EYS: variants seen among roughly 807,000 people sequenced by gnomAD.
EYS encodes EGF-like photoreceptor maintenance factor, also known as protein eyes shut homolog.
EYS carries 250 observed loss-of-function variants against 282.1 expected under a neutral mutation model. That is an observed-to-expected ratio of 0.89 (90% confidence interval 0.80 to 0.98). The LOEUF is 0.98. Ranked by LOEUF, EYS falls within the 50% of genes least tolerant of loss-of-function variation. The pLI is 0.00. For missense variants in EYS, 4,016 were observed against 3,709.0 expected, an observed-to-expected ratio of 1.08 and a Z score of -2.15; for synonymous variants, 1,355 against 1,282.9, an observed-to-expected ratio of 1.06 and a Z score of -1.20.
At chr6:64,127,957 A>G (rs958480567) in intron 31 of EYS, among the ~76,000 whole-genome samples, 4 of 152,140 alleles carry the variant, frequency 2.6e-5, no homozygotes, top group African/African-American at 9.6e-5. Context: ...TATTAAATAT[A>G]ACACCAGAAA....
intron 5 of EYS, among the ~76,000 whole-genome samples, chr6:65,414,830 G>T (rs1369643198): frequency 2.0e-5 from 3 of 151,978 alleles, no homozygotes; most frequent in African/African-American, 7.2e-5. Flanking sequence ...AAGAGAACAG[G>T]TATGATCCTT....
chr6:65,016,926 T>C (rs73437264), intron 13 of EYS, among the ~76,000 whole-genome samples: 5,602 of 152,244 alleles, frequency 0.037, 336 homozygotes, highest in African/African-American at 0.13. Flanking sequence ...TAATGGACAT[T>C]GTATATCTTT....
chr6:65,314,843 G>A (rs1388619290), intron 11 of EYS, among the ~76,000 whole-genome samples: 1 of 152,050 alleles, frequency 6.6e-6, no homozygotes, highest in Non-Finnish European at 1.5e-5. Context: ...CTTCAGTCCT[G>A]TATCAACTAA....
rs568524850 is a variant in EYS, at chr6:64,637,337, G to A, written c.3444-11092C>T. Among the ~76,000 whole-genome samples, 3 of 86,156 alleles carry A rather than the reference G, an allele frequency of 3.5e-5. 1 individual carries two copies. The East Asian group carries it at 7.7e-4, about 22-fold the overall frequency. The allele number at this position is 86,156 out of a possible 152,430, so 56.5% of individuals were successfully genotyped here. A position where few individuals can be genotyped will look rare whatever the true frequency, so the allele number is the denominator to read the frequency against. On this transcript the variant is annotated intron_variant, in intron 22 of 42. Coordinates refer to ENST00000503581, the MANE Select transcript of EYS (RefSeq NM_001142800.2). ...AAACCATAATTCTCAGCAAACTATC[G>A]CAAGGACAAAAAAACAAACACCACA...
At chr6:65,341,247 A>C (rs947396929) in intron 10 of EYS, among the ~76,000 whole-genome samples, 1 of 151,184 alleles carries the variant, frequency 6.6e-6, no homozygotes, top group African/African-American at 2.4e-5. Flanking sequence ...AAACAGTCTT[A>C]GTTGATTTGA....
intron 13 of EYS, among the ~76,000 whole-genome samples, chr6:65,037,482 A>G (rs1310640912): frequency 2.0e-5 from 3 of 151,882 alleles, no homozygotes. Context: ...CTGGAAAGAA[A>G]AAAGACCTAT....
intron 19 of EYS, among the ~76,000 whole-genome samples, chr6:64,859,010 A>T (rs1766153921): frequency 6.6e-6 from 1 of 151,970 alleles, no homozygotes; most frequent in African/African-American, 2.4e-5. Context: ...AGAAATGAAA[A>T]GTATTCTAAT....
chr6:65,283,538 A>G (rs993069929), intron 12 of EYS, among the ~76,000 whole-genome samples: 13 of 151,718 alleles, frequency 8.6e-5, no homozygotes, highest in African/African-American at 2.9e-4. Context: ...CCTTTCTCAT[A>G]TTATAGACTT....
At chr6:65,116,141 T>A in intron 12 of EYS, among the ~76,000 whole-genome samples, 1 of 152,086 alleles carries the variant, frequency 6.6e-6, no homozygotes, top group Middle Eastern at 3.2e-3. Flanking sequence ...TACATTCAAA[T>A]TTAAATATTC....
At chr6:64,755,564 A>G (rs1440552974) in intron 22 of EYS, among the ~76,000 whole-genome samples, 1 of 151,914 alleles carries the variant, frequency 6.6e-6, no homozygotes, top group Non-Finnish European at 1.5e-5. Flanking sequence ...ATCCAGCCAG[A>G]AAAATAAAAG....
chr6:64,134,927 A>G (rs990483734), intron 31 of EYS, among the ~76,000 whole-genome samples: 1 of 152,124 alleles, frequency 6.6e-6, no homozygotes, highest in African/African-American at 2.4e-5. Context: ...GATGAGATGC[A>G]TTTTGTGTTC....
At chr6:63,998,226 T>C (rs1310152418) in intron 34 of EYS, among the ~76,000 whole-genome samples, 1 of 152,252 alleles carries the variant, frequency 6.6e-6, no homozygotes, top group East Asian at 1.9e-4. Context: ...AGAAAAGAGA[T>C]AATCATTCTA....
chr6:65,318,159 G>T (rs189958360), intron 11 of EYS, among the ~76,000 whole-genome samples: 1 of 135,880 alleles, frequency 7.4e-6, no homozygotes, highest in East Asian at 2.5e-4. Flanking sequence ...GAGCCACCGC[G>T]CCCGGCTGGA....
intron 29 of EYS, among the ~76,000 whole-genome samples, chr6:64,359,873 G>A (rs1771948487): frequency 6.6e-6 from 1 of 151,580 alleles, no homozygotes. Context: ...TGAATTTTGA[G>A]GGACACATTC....
At chr6:64,859,014 T>C (rs1288132849) in intron 19 of EYS, among the ~76,000 whole-genome samples, 1 of 151,930 alleles carries the variant, frequency 6.6e-6, no homozygotes, top group African/African-American at 2.4e-5. Context: ...ATGAAAAGTA[T>C]TCTAATAGAA....
intron 12 of EYS, among the ~76,000 whole-genome samples, chr6:65,267,198 T>C (rs1767780934): frequency 6.6e-6 from 1 of 151,900 alleles, no homozygotes; most frequent in African/African-American, 2.4e-5. Flanking sequence ...AAGCTCCAAT[T>C]TTCAATTATG....
chr6:64,927,080 G>A (rs1396015369), intron 15 of EYS, among the ~76,000 whole-genome samples: 1 of 152,150 alleles, frequency 6.6e-6, no homozygotes, highest in Non-Finnish European at 1.5e-5. Flanking sequence ...GTATAGAAAT[G>A]TTCAAATGCA....
intron 11 of EYS, among the ~76,000 whole-genome samples, chr6:65,296,428 C>T (rs1768667521): frequency 6.6e-6 from 1 of 151,462 alleles, no homozygotes; most frequent in Non-Finnish European, 1.5e-5. Flanking sequence ...ATGTGTGTGT[C>T]TGTGTGTGTA....
chr6:65,541,680 T>C (rs1768173532), intron 2 of EYS, among the ~76,000 whole-genome samples: 1 of 152,086 alleles, frequency 6.6e-6, no homozygotes, highest in Non-Finnish European at 1.5e-5. Context: ...CAAGCTGTCT[T>C]ACAAATTAGC....
Sources: allele counts gnomAD v4.1 joint callset (sites outside exome capture counted in the v4.1 genomes callset), GRCh38; gene constraint gnomAD v4.1.1; transcripts MANE v1.5; gene names NCBI Gene and HGNC (gene_info 2026-07-23, HGNC 2026-07-21).